The following XIST variants were observed in gnomAD, a reference collection of about 807,000 sequenced individuals.
XIST encodes the protein X inactive specific transcript (non-protein coding).
At chrX:73,837,631 A>C (rs73486568) in intron 1 of XIST, 7,404 of 414,589 alleles carry the variant, frequency 0.018, 365 homozygotes, top group African/African-American at 0.15. Flanking sequence ...AAATGTTAAC[A>C]CTGGGAAAAA....
chrX:73,839,303 A>G (rs1262885925), intron 1 of XIST, among the ~76,000 whole-genome samples: 1 of 111,516 alleles, frequency 9.0e-6, no homozygotes, highest in Non-Finnish European at 1.9e-5. Context: ...ACTTCCTCCA[A>G]TCCTACATGT....
intron 1 of XIST, chrX:73,837,616 A>AT: frequency 2.3e-6 from 1 of 440,151 alleles, no homozygotes; most frequent in Non-Finnish European, 4.0e-6. Context: ...TACCAAACTA[A>AT]TGTAAAATGT....
exon 1 of XIST, chrX:73,850,866 A>T (rs1333006992): frequency 1.9e-6 from 1 of 536,322 alleles, no homozygotes; most frequent in Admixed American, 2.4e-5. Flanking sequence ...AAGAGGCAGC[A>T]CTGGACAGGA....
At chrX:73,825,435 A>G (rs367849253) in exon 6 of XIST, 12 of 544,971 alleles carry the variant, frequency 2.2e-5, no homozygotes, top group South Asian at 4.6e-5. Context: ...TACAAAGCAC[A>G]TTCACTATTT....
At chrX:73,830,421 G>A (rs772358175) in intron 4 of XIST, among the ~76,000 whole-genome samples, 1 of 111,951 alleles carries the variant, frequency 8.9e-6, no homozygotes, top group African/African-American at 3.2e-5. Flanking sequence ...ATACGTTCAG[G>A]ATTTATTGCA....
chrX:73,847,490 G>A (rs1471049761), exon 1 of XIST: 13 of 510,386 alleles, frequency 2.5e-5, no homozygotes, highest in Non-Finnish European at 4.5e-5. Flanking sequence ...AAAGTGCTGG[G>A]ATTACAGGTG....
At chrX:73,832,375 G>A (rs371796421) in intron 3 of XIST, among the ~76,000 whole-genome samples, 1 of 110,808 alleles carries the variant, frequency 9.0e-6, no homozygotes, top group East Asian at 2.8e-4. Context: ...GCAAATCTAT[G>A]CAGAAGGAAA....
exon 1 of XIST, chrX:73,846,276 T>C (rs762958641): frequency 7.2e-6 from 4 of 558,876 alleles, no homozygotes; most frequent in Non-Finnish European, 1.3e-5. Context: ...TGTGTGTAGT[T>C]ATGCAAATCC....
At chrX:73,848,056 G>C in exon 1 of XIST, 1 of 559,192 alleles carries the variant, frequency 1.8e-6, no homozygotes, top group Non-Finnish European at 3.2e-6. Context: ...TTAGTGCACA[G>C]GAAGAGGGAC....
chrX:73,849,061 A>T, exon 1 of XIST: 1 of 559,409 alleles, frequency 1.8e-6, no homozygotes, highest in Non-Finnish European at 3.2e-6. Context: ...AGAACTATGG[A>T]TAATTGGGAT....
rs748724078 is a variant in XIST, at chrX:73,824,472, A to C, written n.15429T>G. ...GGCTGTGGCTAAATGAAATATGATA[A>C]ATTTTCAGTGCCTTTAACAGTGAGT... On this transcript the variant is annotated non_coding_transcript_exon_variant, in exon 6 of 6. Transcript: ENST00000429829. 20 of 556,288 alleles carry C rather than the reference A, an allele frequency of 3.6e-5. No individual in the cohort carries two copies. In the African/African-American group the frequency reaches 4.0e-4, roughly 11 times the overall value. 45.8% of individuals were successfully genotyped at this position (556,288 alleles called of 1,213,427 possible). A position where few individuals can be genotyped will look rare whatever the true frequency, so the allele number is the denominator to read the frequency against.
exon 1 of XIST, chrX:73,842,910 C>T (rs1922632426): frequency 1.8e-6 from 1 of 556,265 alleles, no homozygotes; most frequent in Non-Finnish European, 3.2e-6. Flanking sequence ...GGGCCAAGGG[C>T]ACACAAGGGG....
chrX:73,852,351 T>C, exon 1 of XIST: 2 of 514,103 alleles, frequency 3.9e-6, no homozygotes, highest in East Asian at 3.4e-5. Flanking sequence ...AAAGAAAAAA[T>C]AATAAAACCA....
chrX:73,848,420 A>G, exon 1 of XIST: 1 of 557,493 alleles, frequency 1.8e-6, no homozygotes. Flanking sequence ...AAACTGTCCT[A>G]GTACAGAGGT....
At chrX:73,847,320 A>C in exon 1 of XIST, 1 of 535,644 alleles carries the variant, frequency 1.9e-6, no homozygotes, top group Non-Finnish European at 3.4e-6. Flanking sequence ...AAGCAGTATA[A>C]GAGAAGAAGC....
chrX:73,827,768 G>C (rs1321056389), exon 6 of XIST: 1 of 544,000 alleles, frequency 1.8e-6, no homozygotes, highest in Non-Finnish European at 3.3e-6. Flanking sequence ...CGTGAAAGAA[G>C]AGCCACATCT....
chrX:73,825,400 A>G, exon 6 of XIST: 1 of 557,190 alleles, frequency 1.8e-6, no homozygotes, highest in South Asian at 2.2e-5. Flanking sequence ...CGCTTATCAC[A>G]GTAGAATACA....
exon 1 of XIST, chrX:73,847,750 TAA>T (rs1200031489): frequency 1.8e-6 from 1 of 558,045 alleles, no homozygotes; most frequent in Non-Finnish European, 3.2e-6. Context: ...AAATACACAT[TAA>T]GAGTCCCAAG....
chrX:73,846,679 A>G (rs1422597005), exon 1 of XIST: 2 of 557,534 alleles, frequency 3.6e-6, no homozygotes, highest in Non-Finnish European at 6.5e-6. Context: ...AGTGGGGATG[A>G]GGGGAGCACT....
Sources: gnomAD v4.1 joint callset for allele counts (sites outside exome capture counted in the v4.1 genomes callset) on GRCh38, gnomAD v4.1.1 for gene constraint, MANE v1.5 for transcripts, NCBI Gene and HGNC (gene_info 2026-07-23, HGNC 2026-07-21) for gene names.